GSK3B: variants seen among roughly 807,000 people sequenced by gnomAD.
GSK3B encodes glycogen synthase kinase-3 beta.
In GSK3B, 15 loss-of-function variants were observed where a neutral mutation model predicts 56.4. The ratio of observed to expected loss-of-function variants is 0.27; its 90% CI spans 0.18 to 0.41. The LOEUF is 0.41. GSK3B is among the 10% of genes least tolerant of loss of function. The probability of loss-of-function intolerance (pLI) is 1.00; values close to 1 mark genes in which losing one functional copy is unlikely to be tolerated. For synonymous variants in GSK3B, 181 were observed against 188.9 expected (o/e 0.96, Z 0.34); for missense variants, 300 against 513.4 (o/e 0.58, Z 4.02).
intron 1 of GSK3B, among the ~76,000 whole-genome samples, chr3:120,007,616 T>C (rs1450100756): frequency 6.6e-6 from 1 of 152,212 alleles, no homozygotes; most frequent in East Asian, 1.9e-4. Flanking sequence ...GTTCAACATA[T>C]GCAAATCAAT....
chr3:119,888,585 G>T (rs1184531055), intron 7 of GSK3B, among the ~76,000 whole-genome samples: 2 of 152,090 alleles, frequency 1.3e-5, no homozygotes, highest in African/African-American at 4.8e-5. Flanking sequence ...AAGCACGTGT[G>T]TTTGAACAAT....
intron 2 of GSK3B, among the ~76,000 whole-genome samples, chr3:119,993,344 T>G (rs2057584390): frequency 6.6e-6 from 1 of 152,034 alleles, no homozygotes; most frequent in Non-Finnish European, 1.5e-5. Flanking sequence ...ATAAATAATT[T>G]TTTTAATCAA....
chr3:119,971,601 ATT>A (rs751790636), intron 2 of GSK3B, among the ~76,000 whole-genome samples: 50 of 83,840 alleles, frequency 6.0e-4, no homozygotes, highest in African/African-American at 1.1e-3. Context: ...ATTTGCAATA[ATT>A]TTTTTTTTTT....
chr3:120,027,834 G>C (rs1024210627), intron 1 of GSK3B, among the ~76,000 whole-genome samples: 3 of 151,940 alleles, frequency 2.0e-5, no homozygotes, highest in Non-Finnish European at 4.4e-5. Context: ...GTATCTCTCT[G>C]TAATTTCCAA....
At chr3:119,827,483 G>A (rs1025029899) in intron 10 of GSK3B, among the ~76,000 whole-genome samples, 17 of 150,174 alleles carry the variant, frequency 1.1e-4, no homozygotes, top group Admixed American at 2.0e-4. Flanking sequence ...GTAGCCATAA[G>A]AGAGAAAGAT....
At chr3:119,987,684 T>A (rs978179230) in intron 2 of GSK3B, among the ~76,000 whole-genome samples, 6 of 152,176 alleles carry the variant, frequency 3.9e-5, no homozygotes, top group African/African-American at 1.4e-4. Context: ...AAATCTTACC[T>A]TATGGTCAGA....
chr3:119,832,132 C>CA (rs1248165506), intron 10 of GSK3B, among the ~76,000 whole-genome samples: 1 of 152,236 alleles, frequency 6.6e-6, no homozygotes, highest in Non-Finnish European at 1.5e-5. Flanking sequence ...GTGGCTTCTG[C>CA]ATTGCCTTCT....
chr3:119,959,748 C>G (rs7636600), intron 2 of GSK3B, among the ~76,000 whole-genome samples: 32,482 of 151,618 alleles, frequency 0.21, 3,754 homozygotes, highest in African/African-American at 0.3. Flanking sequence ...AACTCGTGAC[C>G]TCAAATGATC....
intron 10 of GSK3B, among the ~76,000 whole-genome samples, chr3:119,832,025 G>A (rs1268208506): frequency 6.6e-6 from 1 of 152,236 alleles, no homozygotes; most frequent in African/African-American, 2.4e-5. Context: ...GCCTAATGCA[G>A]TCCATTCCCA....
chr3:120,012,752 T>G (rs2057790024), intron 1 of GSK3B, among the ~76,000 whole-genome samples: 1 of 152,162 alleles, frequency 6.6e-6, no homozygotes, highest in South Asian at 2.1e-4. Flanking sequence ...TCACTCACTG[T>G]AACACTGAAC....
At chr3:120,080,976 G>T (rs2058414323) in intron 1 of GSK3B, among the ~76,000 whole-genome samples, 1 of 152,098 alleles carries the variant, frequency 6.6e-6, no homozygotes, top group African/African-American at 2.4e-5. Flanking sequence ...TTGGTGAAAG[G>T]AAAGAAATTG....
At chr3:120,075,559 A>T (rs866919103) in intron 1 of GSK3B, among the ~76,000 whole-genome samples, 1 of 152,218 alleles carries the variant, frequency 6.6e-6, no homozygotes, top group African/African-American at 2.4e-5. Context: ...AAATCAACAT[A>T]AAAAATTCAT....
At chr3:120,059,096 T>C (rs888111537) in intron 1 of GSK3B, among the ~76,000 whole-genome samples, 3 of 151,614 alleles carry the variant, frequency 2.0e-5, no homozygotes, top group African/African-American at 7.3e-5. Context: ...CATACATACA[T>C]ACATACTGAC....
intron 2 of GSK3B, among the ~76,000 whole-genome samples, chr3:119,999,901 A>G (rs750009492): frequency 2.6e-5 from 4 of 152,362 alleles, no homozygotes; most frequent in Middle Eastern, 3.4e-3. Flanking sequence ...TGCGTACACA[A>G]GTAAACTAGG....
intron 1 of GSK3B, among the ~76,000 whole-genome samples, chr3:120,069,433 T>G (rs2058308604): frequency 1.3e-5 from 2 of 152,216 alleles, no homozygotes; most frequent in Non-Finnish European, 2.9e-5. Context: ...CGGTACTGAA[T>G]GGTCCCAAAT....
At chr3:119,868,944 T>C (rs1182090175) in intron 8 of GSK3B, among the ~76,000 whole-genome samples, 1 of 152,154 alleles carries the variant, frequency 6.6e-6, no homozygotes, top group Non-Finnish European at 1.5e-5. Context: ...GAATAGGTAA[T>C]TATGTTAACT....
intron 1 of GSK3B, among the ~76,000 whole-genome samples, chr3:120,025,900 T>C (rs1343873472): frequency 6.6e-6 from 1 of 152,210 alleles, no homozygotes; most frequent in Non-Finnish European, 1.5e-5. Context: ...ATGTCCTTTT[T>C]AGGCCTTAGT....
intron 1 of GSK3B, among the ~76,000 whole-genome samples, chr3:120,032,271 T>A (rs1284080461): frequency 6.6e-6 from 1 of 152,060 alleles, no homozygotes; most frequent in Non-Finnish European, 1.5e-5. Context: ...GGTTAGGAGT[T>A]CAATATCAGC....
In GSK3B at chr3:120,011,483, G is replaced by A. The variant is rs186707111; in HGVS notation, c.89-9244C>T. Among the ~76,000 whole-genome samples, 6 of 152,298 alleles carry A rather than the reference G, an allele frequency of 3.9e-5. No individual in the cohort carries two copies. The East Asian group carries it at 1.2e-3, about 29-fold the overall frequency. ...ATTCTGCTAAAGTATTAAAAGCAGA[G>A]TGGAAAGGTAAAACAGGTCCTACAG... On this transcript the variant is annotated intron_variant, in intron 1 of 10. Coordinates refer to ENST00000264235, the MANE Select transcript of GSK3B (RefSeq NM_001146156.2).
Sources: gnomAD v4.1 joint callset for allele counts (sites outside exome capture counted in the v4.1 genomes callset) on GRCh38, gnomAD v4.1.1 for gene constraint, MANE v1.5 for transcripts, NCBI Gene and HGNC (gene_info 2026-07-23, HGNC 2026-07-21) for gene names.